The following IQGAP2 variants were observed in gnomAD, a reference collection of about 807,000 sequenced individuals.
The protein encoded by IQGAP2 is ras GTPase-activating-like protein IQGAP2.
Under a neutral mutation model 201.3 loss-of-function variants are expected in IQGAP2, and 173 were observed. That is an observed-to-expected ratio of 0.86 (90% CI 0.76 to 0.98). The LOEUF (loss-of-function observed/expected upper bound fraction) is 0.98, where lower values mean the gene tolerates loss of function less well. Ranked by LOEUF, IQGAP2 falls within the 50% of genes least tolerant of loss-of-function variation. IQGAP2 has a pLI of 0.00. For synonymous variants in IQGAP2, 675 were observed against 673.9 expected, an observed-to-expected ratio of 1.00 and a Z score of -0.03; for missense variants, 1,687 against 1,864.8, an observed-to-expected ratio of 0.90 and a Z score of 1.76.
chr5:76,577,691 G>A (rs1375503234), intron 5 of IQGAP2, among the ~76,000 whole-genome samples: 1 of 152,176 alleles, frequency 6.6e-6, no homozygotes, highest in East Asian at 1.9e-4. Context: ...AAAGGAGGCT[G>A]ATATTCTGCT....
chr5:76,674,854 A>G (rs144999937), intron 27 of IQGAP2, 145 bp downstream of exon 27: 1 of 642,718 alleles, frequency 1.6e-6, no homozygotes, highest in Non-Finnish European at 2.7e-6. Flanking sequence ...CTGGGGAAAG[A>G]GGAGAGAGGG....
chr5:76,658,745 G>C, intron 21 of IQGAP2, 78 bp downstream of exon 21: 1 of 1,204,656 alleles, frequency 8.3e-7, no homozygotes, highest in Non-Finnish European at 1.2e-6. Context: ...CTTAATGACA[G>C]GGATACATTC....
chr5:76,479,295 C>T (rs1054549089), intron 2 of IQGAP2, among the ~76,000 whole-genome samples: 6 of 152,190 alleles, frequency 3.9e-5, no homozygotes, highest in Middle Eastern at 3.2e-3. Flanking sequence ...GGTTGCTTTG[C>T]CTGAGTGAGT....
At chr5:76,514,801 G>C (rs62361964) in intron 2 of IQGAP2, among the ~76,000 whole-genome samples, 8,489 of 152,226 alleles carry the variant, frequency 0.056, 270 homozygotes, top group African/African-American at 0.088. Flanking sequence ...TTAAGACTAA[G>C]ACTGTTTTCC....
chr5:76,511,969 C>T (rs544355934), intron 2 of IQGAP2, among the ~76,000 whole-genome samples: 2 of 152,228 alleles, frequency 1.3e-5, no homozygotes, highest in South Asian at 2.1e-4. Context: ...CGTGAGCCAC[C>T]GCGCCAGGCC....
At chr5:76,642,814 C>A (rs1411308784) in intron 17 of IQGAP2, among the ~76,000 whole-genome samples, 2 of 152,194 alleles carry the variant, frequency 1.3e-5, no homozygotes, top group Non-Finnish European at 2.9e-5. Flanking sequence ...GCTACACCAC[C>A]CTCCCTGCCA....
chr5:76,685,073 G>A (rs998312027), intron 30 of IQGAP2, among the ~76,000 whole-genome samples: 3 of 152,160 alleles, frequency 2.0e-5, no homozygotes, highest in Non-Finnish European at 4.4e-5. Context: ...TTACAGGGGT[G>A]GAGAGCACAG....
At chr5:76,434,536 T>A (rs1752549423) in intron 1 of IQGAP2, among the ~76,000 whole-genome samples, 1 of 152,230 alleles carries the variant, frequency 6.6e-6, no homozygotes, top group African/African-American at 2.4e-5. Context: ...ATTCTTTTTT[T>A]ATGATTGACT....
chr5:76,641,040 G>C lies in IQGAP2; in HGVS notation c.2031G>C (p.Arg677Ser). The C allele has an allele frequency of 6.2e-7, 1 of 1,610,424 alleles. No individual in the cohort carries two copies. The highest frequency in any genetic ancestry group is 8.5e-7 in the Non-Finnish European group (1 of 1,177,042). ...CCACAAGCTCAGGACCCATCCTTAG[G>C]GAAGAGTTTGAAGCTAGAAAATCAT... The part of the protein sequence containing the change: ...FQATSSGPIL[R>S]EEFEARKSFL... The change falls in exon 17 of 36, where the codon AGG (arginine) becomes AGC (serine). Residue 677 changes from arginine to serine, a missense_variant. Coordinates refer to ENST00000274364, the MANE Select transcript of IQGAP2 (RefSeq NM_006633.5).
chr5:76,600,232 C>T (rs1046243812), intron 10 of IQGAP2, among the ~76,000 whole-genome samples: 1 of 152,192 alleles, frequency 6.6e-6, no homozygotes, highest in Non-Finnish European at 1.5e-5. Flanking sequence ...AAAAGATCAC[C>T]TCAGATTTCT....
rs141606691 is a variant in IQGAP2 at position 76,463,307 on chromosome 5, G to A, written c.146+1638G>A. On this transcript the variant is annotated intron_variant, in intron 2 of 35. Transcript: ENST00000274364. ...GGTGTCATGTAGAGGAAAATGATAT[G>A]TGATTGGGAGTTGGTTTGCCTAACT... Among the ~76,000 whole-genome samples, 514 of 152,174 alleles carry A rather than the reference G, an allele frequency of 3.4e-3. 1 individual carries two copies. Among genetic ancestry groups the A allele is most frequent in the African/African-American group, 0.011 (468 of 41,494 alleles).
chr5:76,682,072 A>T (rs367752665), intron 28 of IQGAP2, among the ~76,000 whole-genome samples: 34 of 152,282 alleles, frequency 2.2e-4, no homozygotes, highest in African/African-American at 8.2e-4. Flanking sequence ...GATAATGGAG[A>T]GTGACTGCCA....
chr5:76,409,723 ACTGC>A (rs1751003676), intron 1 of IQGAP2, among the ~76,000 whole-genome samples: 1 of 152,016 alleles, frequency 6.6e-6, no homozygotes, highest in South Asian at 2.1e-4. Flanking sequence ...TATTACATAC[ACTGC>A]CCATACCTTA....
intron 3 of IQGAP2, among the ~76,000 whole-genome samples, chr5:76,569,526 G>A (rs1008171234): frequency 8.5e-5 from 13 of 152,090 alleles, no homozygotes; most frequent in Admixed American, 3.9e-4. Context: ...GTTCAATCAC[G>A]AATAGTGGCC....
Position 76,587,365 on chromosome 5 carries a change from G to A in IQGAP2, c.459-1541G>A, listed in dbSNP as rs570479056. Among the ~76,000 whole-genome samples the A allele has an allele frequency of 1.9e-4, 15 of 77,938 alleles. No homozygotes were observed. In the East Asian group the frequency reaches 4.5e-3, roughly 23 times the overall value. 51.1% of individuals were successfully genotyped at this position (77,938 alleles called of 152,430 possible). On this transcript the variant is annotated intron_variant, in intron 5 of 35. Transcript: ENST00000274364. ...AAATACGAAATATGCACAAAGATGT[G>A]TCTGTGTCTATATGTAAGTAGGTTT...
chr5:76,486,264 C>A (rs1380347745), intron 2 of IQGAP2, among the ~76,000 whole-genome samples: 2 of 152,184 alleles, frequency 1.3e-5, no homozygotes, highest in Non-Finnish European at 2.9e-5. Context: ...TTTTAGCCAT[C>A]TTTTAAATAA....
In IQGAP2 at chr5:76,603,626, T is replaced by C. The variant is rs78058722; in HGVS notation, c.1233-2553T>C. On this transcript the variant is annotated intron_variant, in intron 11 of 35. Transcript: ENST00000274364. Reference sequence around the variant, plus strand: ...TTCCTGTGCTCTGCTTTTATACCTTTTTGGAATTTTTGTCGTCTTACCCAC... The same window carrying C: ...TTCCTGTGCTCTGCTTTTATACCTTCTTGGAATTTTTGTCGTCTTACCCAC... 8.4e-3 allele frequency among the ~76,000 whole-genome samples: 1,272 copies of C among 152,298 alleles called. 27 individuals carry two copies. Among genetic ancestry groups the C allele is most frequent in the African/African-American group, 0.029 (1,185 of 41,544 alleles).
chr5:76,494,848 T>C (rs921277698), intron 2 of IQGAP2, among the ~76,000 whole-genome samples: 2 of 152,330 alleles, frequency 1.3e-5, no homozygotes, highest in Admixed American at 1.3e-4. Flanking sequence ...CGTCGACATG[T>C]GCAAACCTTT....
chr5:76,628,752 T>C (rs911154442), intron 14 of IQGAP2: 1 of 455,746 alleles, frequency 2.2e-6, no homozygotes, highest in African/African-American at 2.0e-5. Flanking sequence ...CTTAGAAAAA[T>C]GTGTGTATTT....
Sources: gnomAD v4.1 joint callset for allele counts (sites outside exome capture counted in the v4.1 genomes callset) on GRCh38, gnomAD v4.1.1 for gene constraint, MANE v1.5 for transcripts, NCBI Gene and HGNC (gene_info 2026-07-23, HGNC 2026-07-21) for gene names.